Variants in BBOX1 observed in about 807,000 individuals in gnomAD.
The protein encoded by BBOX1 is gamma-butyrobetaine dioxygenase.
In BBOX1, 35 loss-of-function variants were observed where a neutral mutation model predicts 41.6. The observed-to-expected ratio is 0.84, with a 90% CI of 0.64 to 1.11. The LOEUF is 1.11. BBOX1 is among the 50% of genes most tolerant of loss of function. The pLI is 0.00. For synonymous variants in BBOX1, 163 were observed against 154.7 expected, an observed-to-expected ratio of 1.05 and a Z score of -0.40; for missense variants, 458 against 460.6, an observed-to-expected ratio of 0.99 and a Z score of 0.05.
Position 27,069,092 on chromosome 11 carries a change from A to AT in BBOX1, c.334+11786dup, listed in dbSNP as rs947366718. Among the ~76,000 whole-genome samples the AT allele has an allele frequency of 6.2e-4, 92 of 148,068 alleles. 1 individual carries two copies. The East Asian group carries it at 8.8e-3, about 14-fold the overall frequency. Reference sequence around the variant, plus strand: ...TTTTTGGTTCCATATGAATTTTGGGATTTTTTTTTCTAATTCTGGGAAGAA... The same window carrying AT: ...TTTTTGGTTCCATATGAATTTTGGGATTTTTTTTTTCTAATTCTGGGAAGAA... On this transcript the variant is annotated intron_variant, in intron 4 of 8. Transcript: ENST00000263182.
chr11:27,099,655 C>T (rs992191776), intron 5 of BBOX1, among the ~76,000 whole-genome samples: 3 of 152,054 alleles, frequency 2.0e-5, no homozygotes, highest in Admixed American at 6.6e-5. Context: ...CTCATAGGAT[C>T]AACAGGGAAG....
chr11:27,050,435 T>G (rs1169229344), intron 2 of BBOX1, among the ~76,000 whole-genome samples: 1 of 152,146 alleles, frequency 6.6e-6, no homozygotes, highest in Non-Finnish European at 1.5e-5. Context: ...TGTAGATGAC[T>G]TTGGTAGTAT....
intron 7 of BBOX1, among the ~76,000 whole-genome samples, chr11:27,120,370 T>A (rs1859420784): frequency 6.6e-6 from 1 of 152,138 alleles, no homozygotes. Context: ...AATCCCTAAT[T>A]TCTGTCCAAG....
chr11:27,099,225 C>A (rs1026734236), intron 5 of BBOX1, among the ~76,000 whole-genome samples: 1 of 151,858 alleles, frequency 6.6e-6, no homozygotes, highest in African/African-American at 2.4e-5. Context: ...AGCGAGACAT[C>A]CTTCTTTTCA....
At chr11:27,075,141 T>G (rs1857591444) in intron 4 of BBOX1, among the ~76,000 whole-genome samples, 1 of 152,222 alleles carries the variant, frequency 6.6e-6, no homozygotes, top group South Asian at 2.1e-4. Context: ...GACTGTTTTA[T>G]TTCTTTTTTC....
intron 5 of BBOX1, among the ~76,000 whole-genome samples, chr11:27,104,212 G>A (rs1043453359): frequency 2.0e-5 from 3 of 152,008 alleles, no homozygotes; most frequent in African/African-American, 4.8e-5. Flanking sequence ...CCCCTCCGAA[G>A]TTTAACCGCC....
At chr11:27,103,247 C>A (rs1858730522) in intron 5 of BBOX1, among the ~76,000 whole-genome samples, 1 of 152,062 alleles carries the variant, frequency 6.6e-6, no homozygotes, top group Non-Finnish European at 1.5e-5. Flanking sequence ...TGTTTAAAGT[C>A]TAGTAATTTC....
At chr11:27,067,336 T>C (rs1285591923) in intron 4 of BBOX1, among the ~76,000 whole-genome samples, 2 of 152,098 alleles carry the variant, frequency 1.3e-5, no homozygotes, top group Non-Finnish European at 2.9e-5. Context: ...GTAGTGTACG[T>C]TGTAACGAAT....
At chr11:27,076,598 T>C (rs750661805) in intron 4 of BBOX1, among the ~76,000 whole-genome samples, 3 of 152,322 alleles carry the variant, frequency 2.0e-5, no homozygotes, top group Non-Finnish European at 2.9e-5. Flanking sequence ...GGAGGTATTC[T>C]GTATTCTCAG....
At chr11:27,090,604 C>T (rs11605939) in intron 4 of BBOX1, among the ~76,000 whole-genome samples, 23,874 of 151,780 alleles carry the variant, frequency 0.16, 2,174 homozygotes, top group Middle Eastern at 0.24. Flanking sequence ...CTATTTTCAG[C>T]GGTGCACGTA....
intron 7 of BBOX1, among the ~76,000 whole-genome samples, chr11:27,123,084 G>T (rs1003761584): frequency 6.6e-6 from 1 of 152,010 alleles, no homozygotes; most frequent in Non-Finnish European, 1.5e-5. Context: ...TCAGAATAAT[G>T]TCCCCTCTAT....
intron 4 of BBOX1, chr11:27,062,948 G>A (rs1857175076): frequency 6.6e-6 from 1 of 152,260 alleles, no homozygotes; most frequent in African/African-American, 2.4e-5. Context: ...AAAAGAGAGT[G>A]AAGTAATCAC....
chr11:27,117,179 T>C (rs915777889), intron 6 of BBOX1, among the ~76,000 whole-genome samples: 1 of 151,952 alleles, frequency 6.6e-6, no homozygotes, highest in African/African-American at 2.4e-5. Flanking sequence ...TAGAAACCTA[T>C]ATCTTCAAAG....
chr11:27,126,029 A>T (rs1859638529), intron 8 of BBOX1, among the ~76,000 whole-genome samples: 2 of 152,190 alleles, frequency 1.3e-5, no homozygotes, highest in Admixed American at 6.5e-5. Flanking sequence ...AAACAAATAG[A>T]AATATCCTCA....
At chr11:27,125,953 C>T (rs1386278203) in intron 8 of BBOX1, 133 bp downstream of exon 8, 6 of 929,842 alleles carry the variant, frequency 6.5e-6, no homozygotes, top group East Asian at 2.6e-5. Flanking sequence ...TGGTGAGCAA[C>T]TGACTTGCTT....
chr11:27,082,884 C>T (rs1372039884), intron 4 of BBOX1, among the ~76,000 whole-genome samples: 1 of 152,050 alleles, frequency 6.6e-6, no homozygotes, highest in African/African-American at 2.4e-5. Flanking sequence ...AGTATACAGA[C>T]TATGTTAGTA....
At chr11:27,119,993 T>A in intron 7 of BBOX1, 148 bp downstream of exon 7, 1 of 506,300 alleles carries the variant, frequency 2.0e-6, no homozygotes, top group Non-Finnish European at 3.2e-6. Flanking sequence ...TGATAGTATT[T>A]TCACCATAAA....
chr11:27,125,931 A>G, intron 8 of BBOX1, 111 bp downstream of exon 8: 2 of 1,163,208 alleles, frequency 1.7e-6, no homozygotes, highest in East Asian at 2.4e-5. Context: ...TAGAACACCA[A>G]CAACAGAATC....
intron 3 of BBOX1, among the ~76,000 whole-genome samples, chr11:27,056,038 T>C (rs986071087): frequency 6.6e-6 from 1 of 152,158 alleles, no homozygotes; most frequent in African/African-American, 2.4e-5. Flanking sequence ...ACATCCCGAC[T>C]TGAGGACTTT....
Sources: gnomAD v4.1 joint callset for allele counts (sites outside exome capture counted in the v4.1 genomes callset) on GRCh38, gnomAD v4.1.1 for gene constraint, MANE v1.5 for transcripts, NCBI Gene and HGNC (gene_info 2026-07-23, HGNC 2026-07-21) for gene names.